The following HIVEP3 variants were observed in gnomAD, a reference collection of about 807,000 sequenced individuals.
HIVEP3 encodes the protein transcription factor HIVEP3.
HIVEP3 carries 49 observed loss-of-function variants against 152.8 expected under a neutral mutation model. The observed-to-expected ratio is 0.32, with a 90% CI of 0.26 to 0.41. The LOEUF is 0.41. Among genes scored for constraint, HIVEP3 ranks in the 10% least tolerant of loss-of-function variants. The pLI, the probability that HIVEP3 is intolerant of heterozygous loss-of-function variation, is 1.00. For synonymous variants in HIVEP3, 1,269 were observed against 1,289.0 expected, an observed-to-expected ratio of 0.98 and a Z score of 0.33; for missense variants, 2,790 against 3,103.3, an observed-to-expected ratio of 0.90 and a Z score of 2.40.
At position 41,533,396 on chromosome 1, in the gene HIVEP3, C is replaced by G. The variant is rs890185927; in HGVS notation, c.5208-8486G>C. Among the ~76,000 whole-genome samples, 1 of 152,108 alleles carries G rather than the reference C, an allele frequency of 6.6e-6. No individual in the cohort carries two copies. Among genetic ancestry groups the G allele is most frequent in the South Asian group, 2.1e-4 (1 of 4,826 alleles). ...CACCACCACAGACACAAGCCCAGCT[C>G]TCTTCCCATCACAAATCAACCAGCC... On this transcript the variant is annotated intron_variant, in intron 5 of 8. Coordinates refer to ENST00000372583, the MANE Select transcript of HIVEP3 (RefSeq NM_024503.5). The surrounding 1 kb of genome is among the most constrained non-coding windows in gnomAD (Gnocchi z 4.3).
intron 2 of HIVEP3, among the ~76,000 whole-genome samples, chr1:41,675,527 T>A (rs747403266): frequency 2.0e-4 from 31 of 152,226 alleles, no homozygotes; most frequent in Non-Finnish European, 3.8e-4. Context: ...CTTTTATTTA[T>A]GTGTGCAGTC....
chr1:41,587,429 C>T (rs367753114), intron 3 of HIVEP3, among the ~76,000 whole-genome samples: 1 of 152,306 alleles, frequency 6.6e-6, no homozygotes, highest in African/African-American at 2.4e-5. Flanking sequence ...TATAAGATAC[C>T]ATCCAAACTG....
chr1:41,613,039 C>A (rs1015060533), intron 3 of HIVEP3, among the ~76,000 whole-genome samples: 7 of 152,250 alleles, frequency 4.6e-5, no homozygotes, highest in Non-Finnish European at 8.8e-5. Flanking sequence ...GGGACCTGGA[C>A]AGGGCAGAGG....
At chr1:41,713,551 C>CA (rs1646545892) in intron 1 of HIVEP3, among the ~76,000 whole-genome samples, 1 of 152,212 alleles carries the variant, frequency 6.6e-6, no homozygotes, top group African/African-American at 2.4e-5. Flanking sequence ...CCAAATACCC[C>CA]AAGGTTCTGC....
chr1:41,718,198 T>C (rs529528948), intron 1 of HIVEP3, among the ~76,000 whole-genome samples: 1 of 152,198 alleles, frequency 6.6e-6, no homozygotes, highest in Non-Finnish European at 1.5e-5. Context: ...ATGTCCCACA[T>C]AGGGTGGCCA....
intron 2 of HIVEP3, among the ~76,000 whole-genome samples, chr1:41,641,792 T>C (rs759150784): frequency 1.4e-4 from 22 of 152,152 alleles, no homozygotes; most frequent in Non-Finnish European, 2.6e-4. Flanking sequence ...CCCTGGCAGG[T>C]CCACTCTTAG....
intron 1 of HIVEP3, chr1:41,848,422 A>C (rs1188881897): frequency 2.6e-5 from 4 of 152,242 alleles, no homozygotes; most frequent in African/African-American, 9.7e-5. Context: ...GATGATGTGA[A>C]GGGCTCTTGG....
At chr1:41,623,232 T>C (rs547949736) in intron 3 of HIVEP3, among the ~76,000 whole-genome samples, 2 of 152,252 alleles carry the variant, frequency 1.3e-5, no homozygotes, top group African/African-American at 4.8e-5. Flanking sequence ...GTGTGGCTAT[T>C]TTGGAGAAGC....
intron 5 of HIVEP3, among the ~76,000 whole-genome samples, chr1:41,558,323 T>C (rs924874590): frequency 6.6e-6 from 1 of 152,190 alleles, no homozygotes; most frequent in Admixed American, 6.5e-5. Flanking sequence ...ACCTAGAACT[T>C]GATTCCCATC....
chr1:41,640,452 G>A (rs1335119539), intron 2 of HIVEP3, among the ~76,000 whole-genome samples: 2 of 152,164 alleles, frequency 1.3e-5, no homozygotes, highest in Admixed American at 6.5e-5. Flanking sequence ...CCATGAGGCA[G>A]CCCCACATTT....
chr1:41,764,229 A>G (rs1437656226), intron 1 of HIVEP3, among the ~76,000 whole-genome samples: 1 of 152,216 alleles, frequency 6.6e-6, no homozygotes, highest in Non-Finnish European at 1.5e-5. Context: ...GGGAAGAGAC[A>G]TGGCCCAACT....
intron 1 of HIVEP3, among the ~76,000 whole-genome samples, chr1:41,862,621 T>C (rs1462715638): frequency 6.6e-6 from 1 of 152,258 alleles, no homozygotes; most frequent in East Asian, 1.9e-4. Flanking sequence ...CCCTCCAAGC[T>C]TGCCTCCTGC....
upstream of HIVEP3, among the ~76,000 whole-genome samples, chr1:41,921,029 T>G (rs1557523540): frequency 6.6e-6 from 1 of 152,318 alleles, no homozygotes; most frequent in Admixed American, 6.5e-5. Flanking sequence ...CAGAGTTACA[T>G]GAGTCTGGAA....
chr1:41,814,551 T>C (rs1275270732), intron 1 of HIVEP3, among the ~76,000 whole-genome samples: 1 of 152,250 alleles, frequency 6.6e-6, no homozygotes, highest in African/African-American at 2.4e-5. Flanking sequence ...CACCAGATTA[T>C]AGCCATGAAT....
chr1:41,996,928 C>T lies in HIVEP3; in HGVS notation n.119+38879G>A, dbSNP rs143453778. 2.6e-3 allele frequency among the ~76,000 whole-genome samples: 396 copies of T among 152,278 alleles called. 1 individual carries two copies. Among genetic ancestry groups the T allele is most frequent in the African/African-American group, 9.2e-3 (384 of 41,558 alleles). On this transcript the variant is annotated intron_variant and non_coding_transcript_variant, in intron 1 of 3. Transcript: ENST00000489103. ...TGAAGGCAGCAGCATAGCACATCTT[C>T]GAATCTCTCTCTGGCCCTGAAACTC...
intron 1 of HIVEP3, among the ~76,000 whole-genome samples, chr1:41,989,177 T>C (rs1185678796): frequency 2.0e-5 from 3 of 152,190 alleles, no homozygotes; most frequent in African/African-American, 4.8e-5. Flanking sequence ...TAACAACGTA[T>C]TATACACTTA....
At position 41,855,853 on chromosome 1, in the gene HIVEP3, G is replaced by A. The variant is rs538618593; in HGVS notation, c.-801+62560C>T. On this transcript the variant is annotated intron_variant, in intron 1 of 8. Coordinates refer to ENST00000372583, the MANE Select transcript of HIVEP3 (RefSeq NM_024503.5). ...TGTCTTGGTGATGGCCAGACAATAG[G>A]AGTCACTGGAAGCTGTGATGAATCA... is the stretch of plus-strand genomic sequence containing the variant. 3.3e-5 allele frequency among the ~76,000 whole-genome samples: 5 copies of A among 152,334 alleles called. No homozygotes were observed. In the South Asian group the frequency reaches 1.0e-3, roughly 32 times the overall value.
intron 1 of HIVEP3, among the ~76,000 whole-genome samples, chr1:41,895,372 T>C (rs547499366): frequency 6.6e-6 from 1 of 152,288 alleles, no homozygotes; most frequent in Admixed American, 6.5e-5. Context: ...CCACCCATTT[T>C]AGTAGACTGC....
intron 3 of HIVEP3, among the ~76,000 whole-genome samples, chr1:41,616,942 T>G (rs1644977864): frequency 1.3e-5 from 2 of 152,164 alleles, no homozygotes; most frequent in Non-Finnish European, 2.9e-5. Context: ...CAGGCACTAT[T>G]GCAATCCCTA....
Sources: allele counts gnomAD v4.1 joint callset (sites outside exome capture counted in the v4.1 genomes callset), GRCh38; gene constraint gnomAD v4.1.1; non-coding constraint Gnocchi (gnomAD v3.1); transcripts MANE v1.5; gene names NCBI Gene and HGNC (gene_info 2026-07-23, HGNC 2026-07-21).